Variants in CNTNAP2 observed in about 807,000 individuals in gnomAD.
CNTNAP2 encodes the protein contactin associated protein 2, also known as contactin-associated protein-like 2.
CNTNAP2 carries 98 observed loss-of-function variants against 155.2 expected under a neutral mutation model. The observed-to-expected ratio is 0.63, with a 90% confidence interval of 0.54 to 0.75. The LOEUF is 0.75. Ranked by LOEUF, CNTNAP2 falls within the 30% of genes least tolerant of loss-of-function variation. CNTNAP2 has a pLI of 0.00. For missense variants in CNTNAP2, 1,727 were observed against 1,688.1 expected (o/e 1.02, Z -0.40); for synonymous variants, 651 against 631.2 (o/e 1.03, Z -0.47).
intron 3 of CNTNAP2, among the ~76,000 whole-genome samples, chr7:146,874,334 TTTTTA>T (rs996004802): frequency 3.3e-5 from 5 of 152,114 alleles, no homozygotes; most frequent in African/African-American, 4.8e-5. Context: ...TTATTTTTTA[TTTTTA>T]TTTTATTTTA....
chr7:147,318,810 A>G (rs1314732484), intron 9 of CNTNAP2, among the ~76,000 whole-genome samples: 1 of 152,216 alleles, frequency 6.6e-6, no homozygotes, highest in Non-Finnish European at 1.5e-5. Flanking sequence ...CTGCACATGT[A>G]TCCCAGAACT....
At chr7:147,483,230 T>C (rs79786547) in intron 10 of CNTNAP2, among the ~76,000 whole-genome samples, 1 of 151,462 alleles carries the variant, frequency 6.6e-6, no homozygotes, top group Non-Finnish European at 1.5e-5. Flanking sequence ...AAATTAAAAA[T>C]AATACGATGA....
intron 9 of CNTNAP2, among the ~76,000 whole-genome samples, chr7:147,357,224 G>A (rs2116889340): frequency 6.6e-6 from 1 of 152,192 alleles, no homozygotes; most frequent in Non-Finnish European, 1.5e-5. Flanking sequence ...TCTGACTACA[G>A]GGACTTTTCT....
chr7:147,779,442 AG>A (rs1797633278), intron 13 of CNTNAP2, among the ~76,000 whole-genome samples: 1 of 152,228 alleles, frequency 6.6e-6, no homozygotes, highest in African/African-American at 2.4e-5. Context: ...GGAGAAACGT[AG>A]AGTAGAAGAA....
chr7:147,787,420 A>T (rs1797757099), intron 13 of CNTNAP2, among the ~76,000 whole-genome samples: 1 of 152,236 alleles, frequency 6.6e-6, no homozygotes, highest in South Asian at 2.1e-4. Flanking sequence ...GGGAGAGGTG[A>T]CACAAAGTCA....
chr7:148,394,963 C>CTCATCTAGGAT (rs1799433992), intron 22 of CNTNAP2, among the ~76,000 whole-genome samples: 1 of 152,200 alleles, frequency 6.6e-6, no homozygotes, highest in Admixed American at 6.5e-5. Flanking sequence ...GATTTTCTTT[C>CTCATCTAGGAT]TCATCTAGGA....
intron 1 of CNTNAP2, among the ~76,000 whole-genome samples, chr7:146,729,003 G>A (rs1801479662): frequency 6.6e-6 from 1 of 152,208 alleles, no homozygotes; most frequent in South Asian, 2.1e-4. Context: ...GACCACAAGT[G>A]TTGAATACCA....
intron 1 of CNTNAP2, among the ~76,000 whole-genome samples, chr7:146,346,004 T>A (rs994731495): frequency 6.6e-6 from 1 of 152,172 alleles, no homozygotes; most frequent in African/African-American, 2.4e-5. Context: ...TGCCTCTGTA[T>A]AAATGAGTGA....
chr7:147,597,574 A>G (rs187358711), intron 12 of CNTNAP2, among the ~76,000 whole-genome samples: 2 of 152,248 alleles, frequency 1.3e-5, no homozygotes, highest in Non-Finnish European at 1.5e-5. Flanking sequence ...AACAAGCCCC[A>G]TTACCTGGGC....
At chr7:147,201,647 T>C (rs534010983) in intron 8 of CNTNAP2, among the ~76,000 whole-genome samples, 1 of 152,274 alleles carries the variant, frequency 6.6e-6, no homozygotes, top group African/African-American at 2.4e-5. Context: ...GCACTGTCAC[T>C]GGGAACTAAT....
chr7:147,409,114 T>C (rs1797058808), intron 10 of CNTNAP2, among the ~76,000 whole-genome samples: 1 of 152,214 alleles, frequency 6.6e-6, no homozygotes, highest in African/African-American at 2.4e-5. Context: ...ATTTGTTTAG[T>C]AGTGGGTCTA....
chr7:146,227,428 C>CA (rs755623604), intron 1 of CNTNAP2, among the ~76,000 whole-genome samples: 2,381 of 58,750 alleles, frequency 0.041, 37 homozygotes, highest in South Asian at 0.076. Context: ...CTGTCTCAAA[C>CA]AAAAAAAAAA....
chr7:147,362,695 T>TCG, intron 9 of CNTNAP2, among the ~76,000 whole-genome samples: 1 of 152,114 alleles, frequency 6.6e-6, no homozygotes, highest in African/African-American at 2.4e-5. Flanking sequence ...AGTGCATATC[T>TCG]GTGTCCCTTC....
chr7:148,094,583 A>G (rs539803989), intron 15 of CNTNAP2, among the ~76,000 whole-genome samples: 1 of 152,326 alleles, frequency 6.6e-6, no homozygotes, highest in Admixed American at 6.5e-5. Flanking sequence ...CAGTGGGAAA[A>G]GATAACAGAG....
chr7:146,413,273 G>C (rs1299939130), intron 1 of CNTNAP2, among the ~76,000 whole-genome samples: 1 of 152,122 alleles, frequency 6.6e-6, no homozygotes, highest in Admixed American at 6.5e-5. Flanking sequence ...TGTCGTGAGG[G>C]CCACTTTCTC....
chr7:146,896,776 A>G (rs967961715), intron 3 of CNTNAP2, among the ~76,000 whole-genome samples: 1 of 152,100 alleles, frequency 6.6e-6, no homozygotes, highest in Non-Finnish European at 1.5e-5. Flanking sequence ...CTGTTACAAT[A>G]TAATTTTACT....
rs544798630 is a variant in CNTNAP2 at position 146,837,761 on chromosome 7, G to A, written c.209-1950G>A. Among the ~76,000 whole-genome samples the A allele has an allele frequency of 1.6e-4, 24 of 152,254 alleles. 2 individuals are homozygous for A. The South Asian group carries it at 4.8e-3, about 30-fold the overall frequency. On this transcript the variant is annotated intron_variant, in intron 2 of 23. Coordinates refer to ENST00000361727, the MANE Select transcript of CNTNAP2 (RefSeq NM_014141.6). ...ATCTTTTTCAGTAACCTTTGCTCAG[G>A]TGTGTCCAGACTAGCCCTCATATTA...
intron 1 of CNTNAP2, among the ~76,000 whole-genome samples, chr7:146,679,349 T>TTC (rs1055369017): frequency 2.1e-5 from 3 of 140,520 alleles, no homozygotes; most frequent in Non-Finnish European, 4.6e-5. Flanking sequence ...TCTTGTTTCT[T>TTC]TTTTTTTTTT....
chr7:147,385,808 C>A (rs763509489), intron 9 of CNTNAP2, among the ~76,000 whole-genome samples: 7 of 152,218 alleles, frequency 4.6e-5, no homozygotes, highest in Non-Finnish European at 1.0e-4. Context: ...CTCACAGCTC[C>A]ACTAGGCAGT....
Sources: gnomAD v4.1 joint callset for allele counts (sites outside exome capture counted in the v4.1 genomes callset) on GRCh38, gnomAD v4.1.1 for gene constraint, MANE v1.5 for transcripts, NCBI Gene and HGNC (gene_info 2026-07-23, HGNC 2026-07-21) for gene names.